NRDE2: variants seen among roughly 807,000 people sequenced by gnomAD.
NRDE2 encodes the protein NRDE-2, necessary for RNA interference, domain containing, also known as nuclear exosome regulator NRDE2.
NRDE2 carries 76 observed loss-of-function variants against 124.2 expected under a neutral mutation model. That is an observed-to-expected ratio of 0.61 (90% CI 0.51 to 0.74). The LOEUF (loss-of-function observed/expected upper bound fraction) is 0.74, where lower values mean the gene tolerates loss of function less well. NRDE2 is among the 30% of genes least tolerant of loss of function. The pLI, the probability that NRDE2 is intolerant of heterozygous loss-of-function variation, is 0.00. For missense variants in NRDE2, 1,314 were observed against 1,417.3 expected (o/e 0.93, Z 1.17); for synonymous variants, 489 against 528.1 (o/e 0.93, Z 1.01).
intron 7 of NRDE2, among the ~76,000 whole-genome samples, chr14:90,299,684 C>T (rs753934594): frequency 4.6e-5 from 7 of 152,120 alleles, no homozygotes; most frequent in East Asian, 1.9e-4. Context: ...AGGAGAGTCA[C>T]GTCAGGGCAG....
Position 90,316,601 on chromosome 14 carries a change from A to C in NRDE2, c.384T>G (p.Ser128Arg). 1 of 1,612,160 alleles carries C rather than the reference A, an allele frequency of 6.2e-7. No homozygotes were observed. The highest frequency in any genetic ancestry group is 8.5e-7 in the Non-Finnish European group (1 of 1,179,490). ...ACTTCGGTTCCTCAGATTCCTTTTT[A>C]CTGCCTCCAACGCCTCTGGAAGGTT... ...KDKPSRGVGGSKKESEEPNQG... is the reference protein window; with the variant it reads ...KDKPSRGVGGRKKESEEPNQG... The change falls in exon 3 of 14, where the codon AGT (serine) becomes AGG (arginine). Residue 128 changes from serine to arginine, a missense_variant. Coordinates refer to ENST00000354366, the MANE Select transcript of NRDE2 (RefSeq NM_017970.4).
intron 1 of NRDE2, among the ~76,000 whole-genome samples, chr14:90,322,561 G>A (rs888552309): frequency 6.6e-6 from 1 of 151,844 alleles, no homozygotes; most frequent in Admixed American, 6.6e-5. Flanking sequence ...CCATTATCTA[G>A]GTATAAAGTA....
chr14:90,329,592 T>G (rs2139722389), intron 1 of NRDE2, among the ~76,000 whole-genome samples: 1 of 151,720 alleles, frequency 6.6e-6, no homozygotes, highest in East Asian at 1.9e-4. Flanking sequence ...ATCCCAGCAC[T>G]TTGGGAGGCC....
At position 90,274,658 on chromosome 14, in the gene NRDE2, T is replaced by A. The variant is rs1227070001; in HGVS notation, c.*3678A>T. The A allele has an allele frequency of 6.6e-6, 1 of 152,100 alleles. No individual in the cohort carries two copies. The highest frequency in any genetic ancestry group is 2.4e-5 in the African/African-American group (1 of 41,366). The allele number at this position is 152,100 out of a possible 1,614,324, so 9.4% of individuals were successfully genotyped here. A position where few individuals can be genotyped will look rare whatever the true frequency, so the allele number is the denominator to read the frequency against. ...AAGCAAGGGAGTGCTCAAGGAATGA[T>A]AAGGACATGTCCTAAGGACACCGAA... is the stretch of plus-strand genomic sequence containing the variant. On this transcript the variant is annotated 3_prime_UTR_variant, in exon 14 of 14. Transcript: ENST00000354366.
chr14:90,327,950 T>C (rs1885504779), intron 1 of NRDE2, among the ~76,000 whole-genome samples: 1 of 152,130 alleles, frequency 6.6e-6, no homozygotes, highest in Non-Finnish European at 1.5e-5. Flanking sequence ...GAGACCACTC[T>C]GGCTAACATG....
chr14:90,269,686 G>C lies in NRDE2; in HGVS notation c.*8650C>G. The C allele has an allele frequency of 1.1e-6, 1 of 950,336 alleles. No individual in the cohort carries two copies. The highest frequency in any genetic ancestry group is 1.5e-6 in the Non-Finnish European group (1 of 646,346). The allele number at this position is 950,336 out of a possible 1,614,324, so 58.9% of individuals were successfully genotyped here. ...ACTTAGGATAATTTACAAAAAAATA[G>C]GTCCTCTTGAGATGAGGGTTAAAAC... On this transcript the variant is annotated 3_prime_UTR_variant, in exon 14 of 14. Transcript: ENST00000354366.
chr14:90,278,266 G>C lies in NRDE2; in HGVS notation c.*70C>G. 6.3e-7 allele frequency: 1 copy of C among 1,589,490 alleles called. No homozygotes were observed. The highest frequency in any genetic ancestry group is 8.6e-7 in the Non-Finnish European group (1 of 1,159,904). On this transcript the variant is annotated 3_prime_UTR_variant, in exon 14 of 14. Transcript: ENST00000354366. ...AGTTCTCCTAACACACACGTTCTCT[G>C]CTCGCGCCTCCTAGCTCCGCAGGGT...
At chr14:90,283,532 G>A (rs1271124763) in intron 12 of NRDE2, among the ~76,000 whole-genome samples, 3 of 152,108 alleles carry the variant, frequency 2.0e-5, no homozygotes, top group Non-Finnish European at 4.4e-5. Flanking sequence ...CTGATGACAG[G>A]AGTGGAGGTT....
chr14:90,330,162 G>A (rs187543982), intron 1 of NRDE2, among the ~76,000 whole-genome samples: 42 of 149,362 alleles, frequency 2.8e-4, no homozygotes, highest in African/African-American at 8.9e-4. Context: ...AGCCAAGATC[G>A]TACAATTACA....
Position 90,279,072 on chromosome 14 carries a change from G to A in NRDE2, c.3359C>T (p.Pro1120Leu). ...GCCTTTAACACTTACCTTTGCCCAA[G>A]GGCAATTCTGAAGTGCTTTGTAGAA... ...GVFYKALQNC[P>L]WAKVLYLDAV... Residue 1120 changes from proline to leucine, a missense_variant, in exon 13 of 14, where the codon CCT becomes CTT. Physicochemically the swap from Pro to Leu is moderately conservative, Grantham distance 98 (BLOSUM62 -3). Transcript: ENST00000354366. 1 of 1,611,524 alleles carries A rather than the reference G, an allele frequency of 6.2e-7. No individual in the cohort carries two copies. The highest frequency in any genetic ancestry group is 1.7e-5 in the Admixed American group (1 of 60,018).
At chr14:90,306,727 T>C (rs1884616789) in intron 4 of NRDE2, among the ~76,000 whole-genome samples, 1 of 151,936 alleles carries the variant, frequency 6.6e-6, no homozygotes, top group African/African-American at 2.4e-5. Context: ...GGAGAATCAC[T>C]TGAACCCAGG....
intron 9 of NRDE2, 43 bp downstream of exon 9, chr14:90,292,654 G>A (rs764813848): frequency 6.3e-7 from 1 of 1,584,032 alleles, no homozygotes; most frequent in Non-Finnish European, 8.6e-7. Context: ...AAGCAGGCAG[G>A]GACCCCCTGG....
rs1491397403 is a variant in NRDE2 at position 90,274,838 on chromosome 14, A to ACG, written c.*3497_*3498insCG. On this transcript the variant is annotated 3_prime_UTR_variant, in exon 14 of 14. Transcript: ENST00000354366. ...CACACACACACACACACACACACAC[A>ACG]CCCCAATACATATGAATTGATCTGA... 2 of 67,186 alleles carry ACG rather than the reference A, an allele frequency of 3.0e-5. No individual in the cohort carries two copies. Among genetic ancestry groups the ACG allele is most frequent in the Non-Finnish European group, 6.4e-5 (2 of 31,320 alleles). The allele number at this position is 67,186 out of a possible 1,614,324, so 4.2% of individuals were successfully genotyped here.
In NRDE2 at chr14:90,290,454, T is replaced by C. The variant is rs763980316; in HGVS notation, c.1996A>G (p.Ile666Val). 5.6e-6 allele frequency: 9 copies of C among 1,613,972 alleles called. No individual in the cohort carries two copies. In the Admixed American group the frequency reaches 1.2e-4, roughly 21 times the overall value. ...CLYLAMDENS[I>V]FDNGLYDEKP... The stretch of plus-strand genomic sequence containing the variant: ...TCATCATAAAGTCCATTATCAAAGA[T>C]GCTGTTCTCATCCATGGCCAGATAA... The change falls in exon 10 of 14, where the codon ATC becomes GTC. Residue 666 changes from isoleucine to valine, a missense_variant. By Grantham distance (29) the Ile-to-Val change is conservative. Transcript: ENST00000354366.
chr14:90,304,739 T>G (rs187870718), intron 4 of NRDE2: 65 of 185,872 alleles, frequency 3.5e-4, no homozygotes, highest in Non-Finnish European at 6.3e-4. Context: ...AGGCAAAAAT[T>G]ATCATCCCTT....
intron 1 of NRDE2, among the ~76,000 whole-genome samples, chr14:90,318,813 A>G (rs1444206380): frequency 6.6e-6 from 1 of 152,132 alleles, no homozygotes; most frequent in Non-Finnish European, 1.5e-5. Context: ...AAAACAAAAC[A>G]AAACAAAAGC....
chr14:90,309,307 C>A (rs990624580), intron 4 of NRDE2, among the ~76,000 whole-genome samples: 3 of 145,268 alleles, frequency 2.1e-5, no homozygotes, highest in South Asian at 2.2e-4. Context: ...TAGTGGCATA[C>A]GGGAAAAAAA....
chr14:90,314,885 G>C (rs1037181356), intron 3 of NRDE2, among the ~76,000 whole-genome samples: 1 of 151,790 alleles, frequency 6.6e-6, no homozygotes. Context: ...GAGCAAGCTT[G>C]GGGGCTGGGT....
intron 6 of NRDE2, 40 bp from the exon 7 acceptor site, chr14:90,301,412 A>C: frequency 6.2e-7 from 1 of 1,605,868 alleles, no homozygotes; most frequent in Non-Finnish European, 8.5e-7. Flanking sequence ...CCTGGTTGAT[A>C]CCGTTAAAGG....
Sources: allele counts gnomAD v4.1 joint callset (sites outside exome capture counted in the v4.1 genomes callset), GRCh38; gene constraint gnomAD v4.1.1; transcripts MANE v1.5; gene names NCBI Gene and HGNC (gene_info 2026-07-23, HGNC 2026-07-21).